Variants in SREBF2 observed in about 807,000 individuals in gnomAD.
SREBF2 encodes sterol regulatory element-binding protein 2.
SREBF2 carries 55 observed loss-of-function variants against 113.1 expected under a neutral mutation model. The ratio of observed to expected loss-of-function variants is 0.49; its 90% CI spans 0.39 to 0.61. The LOEUF (loss-of-function observed/expected upper bound fraction) is 0.61. SREBF2 is among the 20% of genes least tolerant of loss of function. The pLI is 0.00. For missense variants in SREBF2, 1,349 were observed against 1,487.4 expected (o/e 0.91, Z 1.53); for synonymous variants, 593 against 605.7 (o/e 0.98, Z 0.31).
At chr22:41,842,175 A>C (rs1245446474) in intron 1 of SREBF2, among the ~76,000 whole-genome samples, 3 of 152,234 alleles carry the variant, frequency 2.0e-5, no homozygotes, top group Non-Finnish European at 2.9e-5. Flanking sequence ...AATAAAATAC[A>C]TAAAAAGGTA....
intron 1 of SREBF2, among the ~76,000 whole-genome samples, chr22:41,855,341 G>C (rs925193553): frequency 4.6e-5 from 7 of 152,102 alleles, no homozygotes; most frequent in African/African-American, 1.4e-4. Flanking sequence ...TAGCCAACAT[G>C]GTTAAATTAA....
intron 12 of SREBF2, 31 bp from the exon 13 acceptor site, chr22:41,894,789 A>G (rs1556097214): frequency 6.3e-7 from 1 of 1,597,594 alleles, no homozygotes; most frequent in Non-Finnish European, 8.6e-7. Context: ...AATGAGCTCC[A>G]TTTAACCCCC....
intron 1 of SREBF2, among the ~76,000 whole-genome samples, chr22:41,835,765 C>CT (rs1369998708): frequency 6.6e-6 from 1 of 152,176 alleles, no homozygotes; most frequent in African/African-American, 2.4e-5. Context: ...GTAGTTAGGA[C>CT]TAAGGCATGT....
At position 41,905,652 on chromosome 22, in the gene SREBF2, G is replaced by T. The variant is rs569655423; in HGVS notation, c.3418G>T (p.Ala1140Ser). Residue 1140 changes from alanine to serine, a missense_variant, in exon 19 of 19, where the codon GCC becomes TCC. This residue lies in a region of SREBF2 where 650 missense variants were observed against 644.1 expected (regional missense o/e 1.01). Coordinates refer to ENST00000361204, the MANE Select transcript of SREBF2 (RefSeq NM_004599.4). ...GCTGGGTGGTGGCACTGCCATTGCC[G>T]CCTCCTGACCACCAGGCTCAGCCCA... ...VKLGGGTAIAAS is the reference protein window; with the variant it reads ...VKLGGGTAIASS The T allele has an allele frequency of 1.6e-5, 25 of 1,580,786 alleles. No individual in the cohort carries two copies. Among genetic ancestry groups the T allele is most frequent in the Non-Finnish European group, 2.0e-5 (23 of 1,164,158 alleles).
chr22:41,869,213 T>C (rs1160792440), intron 3 of SREBF2, among the ~76,000 whole-genome samples: 1 of 152,198 alleles, frequency 6.6e-6, no homozygotes, highest in Admixed American at 6.5e-5. Context: ...CAAGCAGTTC[T>C]GCTGCTTCAG....
intron 12 of SREBF2, 80 bp downstream of exon 12, chr22:41,893,365 G>C: frequency 6.9e-7 from 1 of 1,454,746 alleles, no homozygotes; most frequent in Non-Finnish European, 9.6e-7. Context: ...CACCAGACAC[G>C]CGGAGACACG....
intron 1 of SREBF2, among the ~76,000 whole-genome samples, chr22:41,854,954 C>T (rs2076964038): frequency 2.0e-5 from 3 of 151,144 alleles, no homozygotes; most frequent in Admixed American, 6.6e-5. Flanking sequence ...CCTTGAATTC[C>T]TAGGTTCAAG....
chr22:41,852,573 A>G (rs1420792945), intron 1 of SREBF2, among the ~76,000 whole-genome samples: 5 of 151,878 alleles, frequency 3.3e-5, no homozygotes, highest in Non-Finnish European at 5.9e-5. Flanking sequence ...AGGCCATGGG[A>G]GATGACCTGT....
rs1216564674 is a variant in SREBF2, at chr22:41,867,255, C to A, written c.513C>A (p.Tyr171Ter). 15 of 1,614,204 alleles carry A rather than the reference C, an allele frequency of 9.3e-6. No homozygotes were observed. The highest frequency in any genetic ancestry group is 1.3e-5 in the Non-Finnish European group (15 of 1,180,042). The change falls in exon 2 of 19, where the codon TAC (tyrosine) becomes TAA (stop). Residue 171 changes from tyrosine (Y) to a stop codon, truncating the protein, a stop_gained. Transcript: ENST00000361204. LOFTEE classifies it high-confidence loss of function. ...GGATCATCCAGCAGCCTTTGATATA[C>A]CAGAATGCAGCTACTAGCTTTCAAG... is the stretch of plus-strand genomic sequence containing the variant. ...QTRIIQQPLIYQNAATSFQVL... is the reference protein window; with the variant it reads ...QTRIIQQPLI
At chr22:41,892,438 A>C (rs1490234260) in intron 11 of SREBF2, among the ~76,000 whole-genome samples, 1 of 152,098 alleles carries the variant, frequency 6.6e-6, no homozygotes, top group Non-Finnish European at 1.5e-5. Context: ...TCACGAGGTC[A>C]AGAGATCGAG....
At chr22:41,838,789 T>G (rs921732501) in intron 1 of SREBF2, among the ~76,000 whole-genome samples, 10 of 151,974 alleles carry the variant, frequency 6.6e-5, no homozygotes, top group Non-Finnish European at 1.2e-4. Flanking sequence ...CAAGGAAGAT[T>G]GGAGGCAGGG....
chr22:41,901,034 G>A (rs1366930606), intron 16 of SREBF2: 1 of 512,572 alleles, frequency 2.0e-6, no homozygotes, highest in Non-Finnish European at 4.0e-6. Context: ...GCCCTCGAGA[G>A]ACTGCCCTGA....
chr22:41,901,345 C>T (rs1286667163), intron 16 of SREBF2, among the ~76,000 whole-genome samples: 1 of 152,198 alleles, frequency 6.6e-6, no homozygotes, highest in Non-Finnish European at 1.5e-5. Flanking sequence ...GCAGCCCCTA[C>T]AGGGACAGGC....
chr22:41,874,198 G>A (rs992758409), intron 5 of SREBF2, among the ~76,000 whole-genome samples, 179 bp downstream of exon 5: 9 of 152,110 alleles, frequency 5.9e-5, no homozygotes, highest in African/African-American at 2.2e-4. Flanking sequence ...AAAAACATAA[G>A]GGACTGGTGA....
chr22:41,898,558 C>T lies in SREBF2; in HGVS notation c.2606-91C>T, dbSNP rs1290249165. ...GTTCCCAGCAGGCAAAGATGTTACC[C>T]ATCTCCTAGGAAGGAAGTGTAGCAG... On this transcript the variant is annotated intron_variant, in intron 14 of 18. Coordinates refer to ENST00000361204, the MANE Select transcript of SREBF2 (RefSeq NM_004599.4). 9.6e-6 allele frequency: 15 copies of T among 1,562,018 alleles called. No homozygotes were observed. In the East Asian group the frequency reaches 3.4e-4, roughly 36 times the overall value.
intron 1 of SREBF2, among the ~76,000 whole-genome samples, chr22:41,862,946 T>TA (rs1373247385): frequency 4.6e-5 from 7 of 152,230 alleles, no homozygotes; most frequent in Non-Finnish European, 8.8e-5. Context: ...TACACACTCT[T>TA]ACGCTTCGTG....
intron 1 of SREBF2, among the ~76,000 whole-genome samples, chr22:41,837,422 G>A (rs554028169): frequency 4.0e-5 from 6 of 151,854 alleles, no homozygotes; most frequent in Non-Finnish European, 7.4e-5. Context: ...GCCGGGCATG[G>A]TGGTACACGC....
chr22:41,889,577 C>CA (rs1373715257), intron 11 of SREBF2, among the ~76,000 whole-genome samples: 2 of 152,144 alleles, frequency 1.3e-5, no homozygotes, highest in African/African-American at 4.8e-5. Context: ...CCCAGCTCCT[C>CA]AGGAGACTGA....
rs549107299 is a variant in SREBF2, at chr22:41,905,707, C to A, written c.*47C>A. 26 of 1,525,066 alleles carry A rather than the reference C, an allele frequency of 1.7e-5. No individual in the cohort carries two copies. The South Asian group carries it at 3.0e-4, about 18-fold the overall frequency. 94.5% of individuals were successfully genotyped at this position (1,525,066 alleles called of 1,614,324 possible). On this transcript the variant is annotated 3_prime_UTR_variant, in exon 19 of 19. Transcript: ENST00000361204. ...TCCACCTCTCTCTCGATTTCTCTCT[C>A]TCCCCCTCAGCATCTTCCCGCTGAG... is the stretch of plus-strand genomic sequence containing the variant.
Sources: allele counts gnomAD v4.1 joint callset (sites outside exome capture counted in the v4.1 genomes callset), GRCh38; gene constraint gnomAD v4.1.1; regional missense constraint gnomAD v4.1.1; transcripts MANE v1.5; gene names NCBI Gene and HGNC (gene_info 2026-07-23, HGNC 2026-07-21).